Variants in MMP17 observed in about 807,000 individuals in gnomAD.
The protein encoded by MMP17 is matrix metallopeptidase 17, also known as matrix metalloproteinase-17.
In MMP17, 54 loss-of-function variants were observed where a neutral mutation model predicts 49.1. That is an observed-to-expected ratio of 1.10 (90% confidence interval 0.88 to 1.38). The LOEUF is 1.38. Among genes scored for constraint, MMP17 ranks in the 40% most tolerant of loss-of-function variants. The pLI is 0.00. For synonymous variants in MMP17, 397 were observed against 383.1 expected (o/e 1.04, Z -0.42); for missense variants, 837 against 853.7 (o/e 0.98, Z 0.24).
intron 8 of MMP17, among the ~76,000 whole-genome samples, chr12:131,849,202 C>T (rs992102801): frequency 1.3e-4 from 20 of 152,010 alleles, no homozygotes; most frequent in Non-Finnish European, 2.6e-4. Context: ...GTGTATTTAA[C>T]GCAGGGCACG....
chr12:131,829,008 G>C (rs1886657579), intron 1 of MMP17, among the ~76,000 whole-genome samples: 1 of 152,290 alleles, frequency 6.6e-6, no homozygotes, highest in Admixed American at 6.5e-5. Context: ...CAGGCATCGC[G>C]GCCGCCCCGA....
At position 131,849,887 on chromosome 12, in the gene MMP17, C is replaced by T. The variant is rs1347999944; in HGVS notation, c.1290C>T (p.Gly430=). 2 of 1,614,078 alleles carry T rather than the reference C, an allele frequency of 1.2e-6. No individual in the cohort carries two copies. Among genetic ancestry groups the T allele is most frequent in the South Asian group, 2.2e-5 (2 of 91,088 alleles). Residue 430 remains glycine (G), a synonymous_variant, in exon 9 of 10, where the codon GGC becomes GGT. Coordinates refer to ENST00000360564, the MANE Select transcript of MMP17 (RefSeq NM_016155.7). ...PVSDFSLPPG[G]IDAAFSWAHN... is the part of the protein sequence containing the mutation. ...CCGACTTCAGCCTCCCGCCTGGCGG[C>T]ATCGACGCTGCCTTCTCCTGGGCCC...
rs1459949469 is a variant in MMP17, at chr12:131,844,056, C to A, written c.943C>A (p.Pro315Thr). Residue 315 changes from proline to threonine, a missense_variant, in exon 6 of 10, where the codon CCC (proline) becomes ACC (threonine). Pro to Thr is a conservative substitution (Grantham distance 38, BLOSUM62 -1). Coordinates refer to ENST00000360564, the MANE Select transcript of MMP17 (RefSeq NM_016155.7). ...CGAGGAGCCTCCCCTGCTGCCGGAG[C>A]CCCCAGACAACCGGTCCAGCGCCCC... is the stretch of plus-strand genomic sequence containing the variant. ...QPEEPPLLPE[P>T]PDNRSSAPPR... 1.3e-6 allele frequency: 2 copies of A among 1,567,472 alleles called. No homozygotes were observed. The highest frequency in any genetic ancestry group is 1.7e-6 in the Non-Finnish European group (2 of 1,158,872).
intron 6 of MMP17, chr12:131,844,593 G>A (rs1000617440): frequency 4.6e-6 from 1 of 219,154 alleles, no homozygotes; most frequent in African/African-American, 2.3e-5. Context: ...GCCGGTAGAA[G>A]CTGTGACCTT....
In MMP17 at chr12:131,846,850, G is replaced by C. The variant is rs1887726007; in HGVS notation, c.1204+1401G>C. On this transcript the variant is annotated intron_variant, in intron 8 of 9. Transcript: ENST00000360564. The surrounding 1 kb of genome is among the most constrained non-coding windows in gnomAD (Gnocchi z 4.6). ...CCCCGTTTCCTTGCCGAGGTAAAGGGTGTTCTGCGTGTCTGTCAGGGGAAC... is the reference window on the plus strand; with the variant it reads ...CCCCGTTTCCTTGCCGAGGTAAAGGCTGTTCTGCGTGTCTGTCAGGGGAAC... Among the ~76,000 whole-genome samples, 1 of 152,160 alleles carries C rather than the reference G, an allele frequency of 6.6e-6. No homozygotes were observed. The highest frequency in any genetic ancestry group is 1.5e-5 in the Non-Finnish European group (1 of 68,030).
At position 131,828,553 on chromosome 12, in the gene MMP17, G is replaced by GGCTTCCGCT. The variant is rs559842978; in HGVS notation, c.62_63insTCCGCTGCT (p.Leu21_Leu23dup). 92 of 973,652 alleles carry GGCTTCCGCT rather than the reference G, an allele frequency of 9.4e-5. No individual in the cohort carries two copies. Among genetic ancestry groups the GGCTTCCGCT allele is most frequent in the Non-Finnish European group, 1.1e-4 (86 of 815,150 alleles). 60.3% of individuals were successfully genotyped at this position (973,652 alleles called of 1,614,324 possible). On this transcript the variant is annotated inframe_insertion, in exon 1 of 10. Coordinates refer to ENST00000360564, the MANE Select transcript of MMP17 (RefSeq NM_016155.7). ...CCGCCCCCAGGGCCCGGACTCTCGCGGCTGCCGCTGCCGCTGCTGCTGCTG... is the reference window on the plus strand; with the variant it reads ...CCGCCCCCAGGGCCCGGACTCTCGCGGCTTCCGCTGCTGCCGCTGCCGCTGCTGCTGCTG...
intron 1 of MMP17, among the ~76,000 whole-genome samples, chr12:131,835,945 G>A (rs748775385): frequency 7.9e-5 from 12 of 152,220 alleles, no homozygotes; most frequent in East Asian, 1.9e-4. Flanking sequence ...GTGTGGGACC[G>A]GATGCTCGGG....
chr12:131,836,629 G>A (rs1887097876), intron 1 of MMP17, among the ~76,000 whole-genome samples: 1 of 151,698 alleles, frequency 6.6e-6, no homozygotes, highest in Admixed American at 6.6e-5. Flanking sequence ...GAATACATGA[G>A]AGGTGGTAAA....
intron 8 of MMP17, among the ~76,000 whole-genome samples, chr12:131,847,494 A>G (rs2136341047): frequency 6.6e-6 from 1 of 152,158 alleles, no homozygotes; most frequent in East Asian, 1.9e-4. Flanking sequence ...CTCATGACCA[A>G]TTGCTCCTAA....
intron 5 of MMP17, 27 bp downstream of exon 5, chr12:131,841,827 A>G (rs752083450): frequency 1.3e-6 from 2 of 1,538,532 alleles, no homozygotes; most frequent in Non-Finnish European, 1.7e-6. Context: ...AGCCAGACAC[A>G]GGGCCCCTGG....
In MMP17 at chr12:131,835,113, C is replaced by T. The variant is rs942471794; in HGVS notation, c.160-3082C>T. Among the ~76,000 whole-genome samples, 13 of 152,312 alleles carry T rather than the reference C, an allele frequency of 8.5e-5. No homozygotes were observed. The East Asian group carries it at 1.7e-3, about 20-fold the overall frequency. On this transcript the variant is annotated intron_variant, in intron 1 of 9. Transcript: ENST00000360564. Reference sequence around the variant, plus strand: ...CACCCTCTCACTCCAGCCCCCAAGACGGCCCCTCCCAGGATGCCTAGCCTG... The same window carrying T: ...CACCCTCTCACTCCAGCCCCCAAGATGGCCCCTCCCAGGATGCCTAGCCTG...
chr12:131,843,687 G>A (rs745412101), intron 5 of MMP17, among the ~76,000 whole-genome samples: 23 of 152,212 alleles, frequency 1.5e-4, no homozygotes, highest in Non-Finnish European at 2.4e-4. Context: ...TGTTGGCTGC[G>A]GTGAACAGTG....
rs762066684 is a variant in MMP17, at chr12:131,840,687, G to A, written c.537G>A (p.Ala179=). The A allele has an allele frequency of 9.3e-6, 15 of 1,607,310 alleles. No individual in the cohort carries two copies. Among genetic ancestry groups the A allele is most frequent in the Middle Eastern group, 1.6e-4 (1 of 6,084 alleles). ...CGCCCCTGAACTTCCACGAGGTGGC[G>A]GGCAGCGCCGCCGACATCCAGATCG... The part of the protein sequence containing the change: ...DIAPLNFHEV[A]GSAADIQIDF... The change falls in exon 4 of 10, where the codon GCG becomes GCA. Residue 179 remains alanine (A), a synonymous_variant. Coordinates refer to ENST00000360564, the MANE Select transcript of MMP17 (RefSeq NM_016155.7).
At chr12:131,831,806 A>G in intron 1 of MMP17, among the ~76,000 whole-genome samples, 1 of 82,668 alleles carries the variant, frequency 1.2e-5, no homozygotes, top group Non-Finnish European at 2.3e-5. Context: ...AGGGACAGGA[A>G]GGGGGAAGGC....
chr12:131,839,438 G>A (rs983404090), intron 3 of MMP17, among the ~76,000 whole-genome samples: 1 of 151,770 alleles, frequency 6.6e-6, no homozygotes. Flanking sequence ...TCCGCCTCCC[G>A]AGTAGCTGGG....
chr12:131,846,038 T>C lies in MMP17; in HGVS notation c.1204+589T>C. Among the ~76,000 whole-genome samples the C allele has an allele frequency of 6.6e-6, 1 of 152,072 alleles. No homozygotes were observed. Among genetic ancestry groups the C allele is most frequent in the East Asian group, 1.9e-4 (1 of 5,162 alleles). On this transcript the variant is annotated intron_variant, in intron 8 of 9. Coordinates refer to ENST00000360564, the MANE Select transcript of MMP17 (RefSeq NM_016155.7). This position sits in a 1 kb window ranked among gnomAD's most constrained non-coding sequence, Gnocchi z 4.6. ...GTGGCAGTGTTACAGGAAGCACTCC[T>C]TTTGCCTCCAAGTCTCCGGGAAGGG...
At chr12:131,835,334 G>A (rs1341532530) in intron 1 of MMP17, among the ~76,000 whole-genome samples, 4 of 152,240 alleles carry the variant, frequency 2.6e-5, no homozygotes, top group African/African-American at 9.6e-5. Flanking sequence ...TGGGGCCCTG[G>A]TTCTATGAGT....
intron 1 of MMP17, among the ~76,000 whole-genome samples, chr12:131,835,897 C>T (rs1887059521): frequency 6.6e-6 from 1 of 152,346 alleles, no homozygotes; most frequent in Admixed American, 6.5e-5. Flanking sequence ...GGTGACTGAT[C>T]ATGGGACACC....
intron 1 of MMP17, among the ~76,000 whole-genome samples, chr12:131,834,277 C>T (rs966309751): frequency 5.9e-5 from 9 of 152,270 alleles, no homozygotes; most frequent in Middle Eastern, 3.4e-3. Flanking sequence ...AGCCCCCTCC[C>T]GCCTCCTCCC....
Sources: allele counts gnomAD v4.1 joint callset (sites outside exome capture counted in the v4.1 genomes callset), GRCh38; gene constraint gnomAD v4.1.1; non-coding constraint Gnocchi (gnomAD v3.1); transcripts MANE v1.5; gene names NCBI Gene and HGNC (gene_info 2026-07-23, HGNC 2026-07-21).